FOXP1: variants seen among roughly 807,000 people sequenced by gnomAD.
FOXP1 encodes the protein forkhead box P1, also known as forkhead box protein P1.
In FOXP1, 15 loss-of-function variants were observed where a neutral mutation model predicts 98.2. That is an observed-to-expected ratio of 0.15 (90% CI 0.10 to 0.24). The LOEUF is 0.24. FOXP1 is among the 10% of genes least tolerant of loss of function. FOXP1 has a pLI of 1.00. For synonymous variants in FOXP1, 371 were observed against 314.5 expected (o/e 1.18, Z -1.90); for missense variants, 633 against 848.5 (o/e 0.75, Z 3.15).
chr3:71,524,275 A>G (rs996510525), intron 2 of FOXP1, among the ~76,000 whole-genome samples: 2 of 152,158 alleles, frequency 1.3e-5, no homozygotes, highest in Admixed American at 6.5e-5. Context: ...GAGGCAGGAG[A>G]ATCACTTGAA....
At position 71,583,680 on chromosome 3, in the gene FOXP1, ACGCG is replaced by A; in HGVS notation, c.-560_-557del. On this transcript the variant is annotated 5_prime_UTR_variant, in exon 1 of 21. Coordinates refer to ENST00000649528, the MANE Select transcript of FOXP1 (RefSeq NM_001349338.3). ...CGCGCACACACTCACTCGCGCACAC[ACGCG>A]CGCACACACGCACTCCCGGGCGAGG... 1.0e-6 allele frequency: 1 copy of A among 983,756 alleles called. No individual in the cohort carries two copies. Among genetic ancestry groups the A allele is most frequent in the South Asian group, 4.7e-5 (1 of 21,196 alleles). 60.9% of individuals were successfully genotyped at this position (983,756 alleles called of 1,614,324 possible).
chr3:71,304,285 G>GGTC (rs1300570064), intron 4 of FOXP1, among the ~76,000 whole-genome samples: 1 of 152,182 alleles, frequency 6.6e-6, no homozygotes, highest in African/African-American at 2.4e-5. Flanking sequence ...TACAGAAAAG[G>GGTC]AAAACCCTGG....
chr3:71,513,525 G>A (rs1019554957), intron 2 of FOXP1, among the ~76,000 whole-genome samples: 4 of 152,072 alleles, frequency 2.6e-5, no homozygotes, highest in South Asian at 2.1e-4. Flanking sequence ...TACCCCACCC[G>A]TGGTCTATTC....
rs5849989 is a variant in FOXP1 at position 71,115,737 on chromosome 3, CTT to C, written c.181-3102_181-3101del. ...ATTCACACATACACACAAAACTATT[CTT>C]TTTTTTTTTTTTTTTTGGACAAAGT... On this transcript the variant is annotated intron_variant, in intron 6 of 20. Coordinates refer to ENST00000649528, the MANE Select transcript of FOXP1 (RefSeq NM_001349338.3). Among the ~76,000 whole-genome samples, 263 of 116,044 alleles carry C rather than the reference CTT, an allele frequency of 2.3e-3. 1 individual carries two copies. The highest frequency in any genetic ancestry group is 2.1e-3 in the African/African-American group (64 of 30,386). 76.1% of individuals were successfully genotyped at this position (116,044 alleles called of 152,430 possible).
intron 2 of FOXP1, among the ~76,000 whole-genome samples, chr3:71,549,078 A>T (rs990413357): frequency 2.0e-5 from 3 of 152,154 alleles, no homozygotes; most frequent in Non-Finnish European, 2.9e-5. Flanking sequence ...TTAATTGTTG[A>T]CTTCTGAGCT....
chr3:71,162,651 G>A (rs2061197365), intron 6 of FOXP1, among the ~76,000 whole-genome samples: 1 of 152,210 alleles, frequency 6.6e-6, no homozygotes, highest in Non-Finnish European at 1.5e-5. Flanking sequence ...AGGAGGCACA[G>A]AAACTTAGAC....
chr3:71,057,900 T>A (rs2050907989), intron 7 of FOXP1, among the ~76,000 whole-genome samples: 1 of 152,184 alleles, frequency 6.6e-6, no homozygotes. Flanking sequence ...GGGAAAACGG[T>A]GTTAGCACTA....
intron 3 of FOXP1, among the ~76,000 whole-genome samples, chr3:71,465,232 G>T (rs1006923460): frequency 4.7e-5 from 7 of 149,532 alleles, no homozygotes; most frequent in Admixed American, 4.7e-4. Context: ...GCTTGAACCT[G>T]GGAGGCAGAG....
chr3:71,477,027 C>G lies in FOXP1; in HGVS notation c.-168+16399G>C, dbSNP rs1018319690. Among the ~76,000 whole-genome samples, 15 of 151,206 alleles carry G rather than the reference C, an allele frequency of 9.9e-5. No individual in the cohort carries two copies. The South Asian group carries it at 2.1e-3, about 21-fold the overall frequency. Reference sequence around the variant, plus strand: ...AAGAGACACCTTTGGTTTTCAGAGACAAATAAGAAAAGGTGAGGGCCTTTA... The same window carrying G: ...AAGAGACACCTTTGGTTTTCAGAGAGAAATAAGAAAAGGTGAGGGCCTTTA... On this transcript the variant is annotated intron_variant, in intron 3 of 20. Transcript: ENST00000649528.
chr3:71,249,709 C>T (rs1028648646), intron 5 of FOXP1, among the ~76,000 whole-genome samples: 1 of 152,204 alleles, frequency 6.6e-6, no homozygotes, highest in Admixed American at 6.5e-5. Flanking sequence ...AGCCAATCCA[C>T]TATACCCCAA....
intron 5 of FOXP1, among the ~76,000 whole-genome samples, chr3:71,284,679 G>A (rs1473142871): frequency 2.6e-5 from 4 of 151,910 alleles, no homozygotes; most frequent in Non-Finnish European, 4.4e-5. Flanking sequence ...TATTGTATCC[G>A]AAAGGATGAT....
intron 7 of FOXP1, among the ~76,000 whole-genome samples, chr3:71,076,261 T>A (rs1461249309): frequency 2.0e-5 from 3 of 152,192 alleles, no homozygotes; most frequent in Admixed American, 6.5e-5. Context: ...TACTTTAAGA[T>A]TATTTTTCAA....
chr3:71,320,995 G>T (rs1249915361), intron 4 of FOXP1, among the ~76,000 whole-genome samples: 1 of 151,776 alleles, frequency 6.6e-6, no homozygotes, highest in Non-Finnish European at 1.5e-5. Flanking sequence ...CAGTGCAAAG[G>T]AAATAGAATG....
At chr3:71,490,806 T>A (rs924666914) in intron 3 of FOXP1, among the ~76,000 whole-genome samples, 1 of 152,232 alleles carries the variant, frequency 6.6e-6, no homozygotes, top group African/African-American at 2.4e-5. Context: ...GTGGTTTTGT[T>A]AAATTTCATA....
At chr3:71,560,524 T>C (rs1303802903) in intron 2 of FOXP1, among the ~76,000 whole-genome samples, 1 of 152,176 alleles carries the variant, frequency 6.6e-6, no homozygotes, top group East Asian at 1.9e-4. Context: ...ACATAGAAGG[T>C]AGCATATGGC....
rs968757167 is a variant in FOXP1 at position 71,288,613 on chromosome 3, C to T, written c.-12+11207G>A. Reference sequence around the variant, plus strand: ...TAGGGCTATAAACACATCCCACTTTCCTCTATGCCTTTTATTTAAACTGCA... The same window carrying T: ...TAGGGCTATAAACACATCCCACTTTTCTCTATGCCTTTTATTTAAACTGCA... On this transcript the variant is annotated intron_variant, in intron 5 of 20. Transcript: ENST00000649528. Among the ~76,000 whole-genome samples the T allele has an allele frequency of 5.3e-4, 81 of 152,302 alleles. 1 individual carries two copies. Among genetic ancestry groups the T allele is most frequent in the African/African-American group, 1.8e-3 (75 of 41,570 alleles).
intron 20 of FOXP1, 54 bp from the exon 21 acceptor site, chr3:70,959,445 C>G: frequency 1.2e-6 from 2 of 1,607,418 alleles, no homozygotes; most frequent in Non-Finnish European, 8.5e-7. Context: ...CATTGCAGCT[C>G]AGGTGCACTG....
At position 70,954,811 on chromosome 3, in the gene FOXP1, C is replaced by T. The variant is rs1218529002; in HGVS notation, c.*4436G>A. 1.3e-5 allele frequency: 3 copies of T among 231,970 alleles called. No homozygotes were observed. Among genetic ancestry groups the T allele is most frequent in the Non-Finnish European group, 2.6e-5 (3 of 117,392 alleles). The allele number at this position is 231,970 out of a possible 1,614,324, so 14.4% of individuals were successfully genotyped here. ...ACAACATTTTTTTTATTGTCTGTAT[C>T]CGCAGACATGGAATGATGGAATTAC... is the stretch of plus-strand genomic sequence containing the variant. On this transcript the variant is annotated 3_prime_UTR_variant, in exon 21 of 21. Coordinates refer to ENST00000649528, the MANE Select transcript of FOXP1 (RefSeq NM_001349338.3).
intron 2 of FOXP1, among the ~76,000 whole-genome samples, chr3:71,516,283 C>T (rs911360686): frequency 1.1e-4 from 16 of 152,016 alleles, no homozygotes; most frequent in African/African-American, 3.1e-4. Context: ...ACAATGCAAA[C>T]GTGTGTGTGT....
Sources: allele counts gnomAD v4.1 joint callset (sites outside exome capture counted in the v4.1 genomes callset), GRCh38; gene constraint gnomAD v4.1.1; transcripts MANE v1.5; gene names NCBI Gene and HGNC (gene_info 2026-07-23, HGNC 2026-07-21).